The following ZNF236 variants were observed in gnomAD, a reference collection of about 807,000 sequenced individuals.
ZNF236 encodes zinc finger protein 236.
ZNF236 carries 50 observed loss-of-function variants against 191.2 expected under a neutral mutation model. That is an observed-to-expected ratio of 0.26 (90% CI 0.21 to 0.33). The LOEUF is 0.33. Among genes scored for constraint, ZNF236 ranks in the 10% least tolerant of loss-of-function variants. The pLI is 1.00. For missense variants in ZNF236, 1,754 were observed against 2,374.5 expected (o/e 0.74, Z 5.43); for synonymous variants, 907 against 928.8 (o/e 0.98, Z 0.43).
intron 1 of ZNF236, chr18:76,834,773 CTT>C: frequency 6.5e-6 from 3 of 459,110 alleles, no homozygotes; most frequent in Non-Finnish European, 8.6e-6. Flanking sequence ...GTACTTGTCT[CTT>C]AGCTCTTTGG....
chr18:76,899,634 G>A (rs1977532500), intron 11 of ZNF236, among the ~76,000 whole-genome samples: 1 of 152,032 alleles, frequency 6.6e-6, no homozygotes, highest in Non-Finnish European at 1.5e-5. Flanking sequence ...TTTAATCTTT[G>A]GATTAAAAAG....
At chr18:76,854,701 A>G (rs1209697359) in intron 3 of ZNF236, among the ~76,000 whole-genome samples, 2 of 152,168 alleles carry the variant, frequency 1.3e-5, no homozygotes, top group Non-Finnish European at 2.9e-5. Context: ...ATATCTTTGC[A>G]TATGAATCTT....
chr18:76,963,351 A>G (rs953621987), intron 30 of ZNF236, among the ~76,000 whole-genome samples: 2 of 152,078 alleles, frequency 1.3e-5, no homozygotes, highest in Admixed American at 6.5e-5. Context: ...TTTGTTTTTA[A>G]TTCTGTTTAT....
intron 11 of ZNF236, among the ~76,000 whole-genome samples, chr18:76,903,179 G>C (rs1381022314): frequency 6.6e-6 from 1 of 152,166 alleles, no homozygotes; most frequent in Non-Finnish European, 1.5e-5. Context: ...AAATTGGTTG[G>C]GCTGTCAAAT....
At chr18:76,896,123 G>A (rs1008208078) in intron 10 of ZNF236, among the ~76,000 whole-genome samples, 3 of 139,548 alleles carry the variant, frequency 2.1e-5, no homozygotes, top group East Asian at 2.3e-4. Flanking sequence ...TATACCACAC[G>A]CAAGTACAGC....
chr18:76,895,155 C>T lies in ZNF236; in HGVS notation c.1560C>T (p.Ala520=), dbSNP rs893979428. ...KPFKCPQCFR[A]FAVKSTLTAH... ...TCAAGTGCCCGCAGTGCTTCCGCGC[C>T]TTCGCCGTGAAGAGCACGCTGACAG... is the stretch of plus-strand genomic sequence containing the variant. The change falls in exon 10 of 31, where the codon GCC becomes GCT. Residue 520 remains alanine, a synonymous_variant. Transcript: ENST00000320610. The T allele has an allele frequency of 1.2e-6, 2 of 1,608,696 alleles. No homozygotes were observed. The highest frequency in any genetic ancestry group is 3.3e-5 in the Admixed American group (2 of 60,016).
At chr18:76,833,097 T>G (rs546682813) in intron 1 of ZNF236, among the ~76,000 whole-genome samples, 5 of 152,348 alleles carry the variant, frequency 3.3e-5, no homozygotes, top group African/African-American at 1.2e-4. Flanking sequence ...TTATTTGTAA[T>G]AGTTTAGCTG....
chr18:76,925,098 A>T lies in ZNF236; in HGVS notation c.3662-91A>T. ...AAGTACTTCCATCCACTGATTCAAC[A>T]TATTTACATCCATAGTGACAGCTGA... On this transcript the variant is annotated intron_variant, in intron 21 of 30. Coordinates refer to ENST00000320610, the MANE Select transcript of ZNF236 (RefSeq NM_001306089.2). The surrounding 1 kb of genome is among the most constrained non-coding windows in gnomAD (Gnocchi z 5.7). The T allele has an allele frequency of 6.6e-7, 1 of 1,525,416 alleles. No homozygotes were observed. The highest frequency in any genetic ancestry group is 1.4e-5 in the African/African-American group (1 of 72,162). 94.5% of individuals were successfully genotyped at this position (1,525,416 alleles called of 1,614,324 possible).
At chr18:76,853,023 A>G (rs1461037553) in intron 3 of ZNF236, among the ~76,000 whole-genome samples, 1 of 152,048 alleles carries the variant, frequency 6.6e-6, no homozygotes, top group Non-Finnish European at 1.5e-5. Flanking sequence ...CCCATTGTAA[A>G]TCAGGGAGCA....
intron 27 of ZNF236, among the ~76,000 whole-genome samples, chr18:76,950,512 G>A (rs1968378181): frequency 6.6e-6 from 1 of 152,076 alleles, no homozygotes; most frequent in Non-Finnish European, 1.5e-5. Context: ...TATACCATGA[G>A]ATCCTTATCT....
At chr18:76,823,192 G>C (rs1974914615) in intron 1 of ZNF236, among the ~76,000 whole-genome samples, 1 of 152,088 alleles carries the variant, frequency 6.6e-6, no homozygotes, top group Non-Finnish European at 1.5e-5. Context: ...AGGCCGTGGA[G>C]CGCGGGGTCG....
intron 3 of ZNF236, among the ~76,000 whole-genome samples, chr18:76,855,558 CTT>C (rs1296564297): frequency 2.0e-5 from 3 of 152,218 alleles, no homozygotes; most frequent in Admixed American, 2.0e-4. Context: ...CTGTCACTTT[CTT>C]TTTAACAGGT....
intron 5 of ZNF236, among the ~76,000 whole-genome samples, chr18:76,874,830 A>T (rs1976670690): frequency 6.6e-6 from 1 of 152,214 alleles, no homozygotes; most frequent in South Asian, 2.1e-4. Flanking sequence ...GGGTAGAGGG[A>T]GCAAGAGAGC....
In ZNF236 at chr18:76,910,819, T is replaced by C. The variant is rs1460278399; in HGVS notation, c.2805+8T>C. On this transcript the variant is annotated splice_region_variant and intron_variant, in intron 16 of 30. Coordinates refer to ENST00000320610, the MANE Select transcript of ZNF236 (RefSeq NM_001306089.2). ...TCTGATGGGATGAATGTAGTGAGTA[T>C]GGACAGAGGGGTGCATACATGGCAG... is the stretch of plus-strand genomic sequence containing the variant. The C allele has an allele frequency of 1.2e-6, 2 of 1,613,154 alleles. No homozygotes were observed. Among genetic ancestry groups the C allele is most frequent in the East Asian group, 2.2e-5 (1 of 44,874 alleles).
chr18:76,882,672 C>T (rs768444509), intron 9 of ZNF236, among the ~76,000 whole-genome samples: 2 of 152,194 alleles, frequency 1.3e-5, no homozygotes, highest in Admixed American at 6.5e-5. Flanking sequence ...TAACATGATT[C>T]TGAAGTTCTT....
Position 76,849,619 on chromosome 18 carries a change from A to G in ZNF236, c.149A>G (p.Lys50Arg). ...KCEICLLSFP[K>R]ESQFQRHMRD... ...GAAATCTGTCTACTATCTTTTCCAA[A>G]AGAATCCCAGTTTCAACGCCACATG... Residue 50 changes from lysine to arginine, a missense_variant, in exon 2 of 31, where the codon AAA becomes AGA. Physicochemically the swap from Lys to Arg is conservative, Grantham distance 26 (BLOSUM62 2). Around this residue, in one of 5 missense-constraint regions of ZNF236, gnomAD observed 336 missense variants for 495.1 expected, o/e 0.68. Transcript: ENST00000320610. 2.5e-6 allele frequency: 4 copies of G among 1,609,690 alleles called. No homozygotes were observed. Among genetic ancestry groups the G allele is most frequent in the Non-Finnish European group, 3.4e-6 (4 of 1,178,868 alleles).
At chr18:76,856,274 C>T (rs1285557150) in intron 3 of ZNF236, among the ~76,000 whole-genome samples, 2 of 152,104 alleles carry the variant, frequency 1.3e-5, no homozygotes, top group African/African-American at 2.4e-5. Context: ...CCTCTGCCTC[C>T]CGAGTTCAAG....
At chr18:76,923,195 T>G in intron 21 of ZNF236, 21 bp downstream of exon 21, 1 of 1,501,564 alleles carries the variant, frequency 6.7e-7, no homozygotes, top group Middle Eastern at 1.7e-4. Context: ...CATGCCTGCG[T>G]CATTGGTAGA....
chr18:76,928,186 A>G (rs901504318), intron 25 of ZNF236, 80 bp downstream of exon 25: 3 of 1,163,520 alleles, frequency 2.6e-6, no homozygotes, highest in South Asian at 1.8e-5. Flanking sequence ...TTCCTACAAT[A>G]CTCTGCTGTG....
Sources: allele counts gnomAD v4.1 joint callset (sites outside exome capture counted in the v4.1 genomes callset), GRCh38; gene constraint gnomAD v4.1.1; regional missense constraint gnomAD v4.1.1; non-coding constraint Gnocchi (gnomAD v3.1); transcripts MANE v1.5; gene names NCBI Gene and HGNC (gene_info 2026-07-23, HGNC 2026-07-21).